EGFLAM: variants seen among roughly 807,000 people sequenced by gnomAD.
EGFLAM encodes the protein EGF like, fibronectin type III and laminin G domains, also known as pikachurin.
A neutral mutation model predicts 113.1 loss-of-function variants in EGFLAM; 79 were observed. That is an observed-to-expected ratio of 0.70 (90% CI 0.58 to 0.84). The LOEUF is 0.84. Among genes scored for constraint, EGFLAM ranks in the 40% least tolerant of loss-of-function variants. EGFLAM has a pLI of 0.00. For synonymous variants in EGFLAM, 504 were observed against 487.6 expected (o/e 1.03, Z -0.44); for missense variants, 1,265 against 1,291.6 (o/e 0.98, Z 0.32).
At chr5:38,325,526 G>C (rs950266059) in intron 1 of EGFLAM, among the ~76,000 whole-genome samples, 3 of 152,228 alleles carry the variant, frequency 2.0e-5, no homozygotes, top group Non-Finnish European at 4.4e-5. Flanking sequence ...TAGGCCAGGA[G>C]TGAGGCAAAG....
intron 6 of EGFLAM, among the ~76,000 whole-genome samples, chr5:38,383,739 G>A (rs1261837798): frequency 6.6e-6 from 1 of 152,058 alleles, no homozygotes; most frequent in Non-Finnish European, 1.5e-5. Flanking sequence ...AGGGCTAAGA[G>A]GGTGTAGAGG....
At chr5:38,271,129 T>C (rs1295254742) in intron 1 of EGFLAM, among the ~76,000 whole-genome samples, 1 of 147,614 alleles carries the variant, frequency 6.8e-6, no homozygotes, top group Admixed American at 6.8e-5. Flanking sequence ...CACCCAACCT[T>C]TGTTTTGGAC....
intron 1 of EGFLAM, among the ~76,000 whole-genome samples, chr5:38,308,905 T>C (rs1758795247): frequency 6.6e-6 from 1 of 152,150 alleles, no homozygotes; most frequent in African/African-American, 2.4e-5. Context: ...TGTACAACAA[T>C]ATGTGGGCTC....
At chr5:38,457,340 G>C (rs1326162775) in intron 19 of EGFLAM, among the ~76,000 whole-genome samples, 4 of 152,178 alleles carry the variant, frequency 2.6e-5, no homozygotes, top group African/African-American at 9.7e-5. Context: ...AGTTCTGAAG[G>C]CTAGAAATCC....
intron 1 of EGFLAM, among the ~76,000 whole-genome samples, chr5:38,314,254 C>G (rs190390329): frequency 1.3e-3 from 198 of 152,284 alleles, no homozygotes; most frequent in Non-Finnish European, 2.1e-3. Flanking sequence ...CATCCATTCC[C>G]CATTTATCCA....
intron 6 of EGFLAM, 122 bp downstream of exon 6, chr5:38,370,584 T>C: frequency 7.9e-7 from 1 of 1,263,674 alleles, no homozygotes. Context: ...ACCCCAGGCT[T>C]TCCTCCTGTG....
Position 38,435,232 on chromosome 5 carries a change from T to G in EGFLAM, c.2262T>G (p.Pro754=). 1 of 1,614,072 alleles carries G rather than the reference T, an allele frequency of 6.2e-7. No homozygotes were observed. Among genetic ancestry groups the G allele is most frequent in the South Asian group, 1.1e-5 (1 of 91,070 alleles). ...DVKKNSGVLK[P]FSGSIQKIIL... is the part of the protein sequence containing the mutation. ...AGAAGAACTCGGGTGTCCTGAAGCC[T>G]TTCAGCGGGAGCATCCAGAAGGTAC... Residue 754 remains proline (P), a synonymous_variant, in exon 16 of 22, where the codon CCT becomes CCG. Transcript: ENST00000322350.
intron 5 of EGFLAM, among the ~76,000 whole-genome samples, chr5:38,368,480 T>C (rs909330826): frequency 2.0e-5 from 3 of 152,188 alleles, no homozygotes; most frequent in African/African-American, 7.2e-5. Context: ...CAATCATTCC[T>C]GCTAATGAAA....
chr5:38,438,277 C>T lies in EGFLAM; in HGVS notation c.2286C>T (p.Ile762=). ...TCTTTATGTTTTTCTCTCTCAAGAT[C>T]ATCCTGAATGACCGAACCATCCATG... The part of the protein sequence containing the change: ...LKPFSGSIQK[I]ILNDRTIHVK... The change falls in exon 17 of 22, where the codon ATC becomes ATT. Residue 762 remains isoleucine (I), a splice_region_variant and synonymous_variant. Coordinates refer to ENST00000322350, the MANE Select transcript of EGFLAM (RefSeq NM_152403.4). 1 of 1,611,586 alleles carries T rather than the reference C, an allele frequency of 6.2e-7. No homozygotes were observed. The highest frequency in any genetic ancestry group is 2.2e-5 in the East Asian group (1 of 44,810).
At chr5:38,307,228 G>C (rs1212458874) in intron 1 of EGFLAM, among the ~76,000 whole-genome samples, 1 of 152,146 alleles carries the variant, frequency 6.6e-6, no homozygotes, top group Admixed American at 6.5e-5. Flanking sequence ...ATTTTTATTT[G>C]TCTATCTGTT....
intron 6 of EGFLAM, chr5:38,403,862 T>C (rs759688672): frequency 1.9e-6 from 3 of 1,613,964 alleles, no homozygotes; most frequent in South Asian, 2.2e-5. Context: ...ATACGCTGCA[T>C]GCAGGTGGCT....
chr5:38,415,194 C>T (rs1290187663), intron 11 of EGFLAM, among the ~76,000 whole-genome samples: 2 of 150,998 alleles, frequency 1.3e-5, no homozygotes, highest in Non-Finnish European at 2.9e-5. Flanking sequence ...AACCTTGTCT[C>T]TACTAAAAAT....
intron 4 of EGFLAM, among the ~76,000 whole-genome samples, chr5:38,351,147 C>T (rs1220371201): frequency 6.8e-6 from 1 of 147,060 alleles, no homozygotes; most frequent in African/African-American, 2.5e-5. Context: ...CTCACTCTGT[C>T]ACCCAGGCTG....
chr5:38,266,163 A>T (rs565869108), intron 1 of EGFLAM, among the ~76,000 whole-genome samples: 29 of 151,638 alleles, frequency 1.9e-4, no homozygotes, highest in Non-Finnish European at 3.5e-4. Context: ...TACCTCCCTC[A>T]CCCCCAATCC....
intron 5 of EGFLAM, among the ~76,000 whole-genome samples, chr5:38,362,154 C>T (rs959321421): frequency 1.3e-5 from 2 of 152,136 alleles, no homozygotes; most frequent in Admixed American, 6.6e-5. Context: ...ACTTCAATCC[C>T]AACTGAAAGT....
chr5:38,415,778 G>T (rs1741620924), intron 11 of EGFLAM, among the ~76,000 whole-genome samples: 1 of 152,180 alleles, frequency 6.6e-6, no homozygotes, highest in Non-Finnish European at 1.5e-5. Flanking sequence ...CTGCATGGCT[G>T]GGAAGGCCTC....
rs1267164106 is a variant in EGFLAM, at chr5:38,325,025, C to T, written c.98-12495C>T. Among the ~76,000 whole-genome samples, 3 of 152,154 alleles carry T rather than the reference C, an allele frequency of 2.0e-5. No homozygotes were observed. In the East Asian group the frequency reaches 5.8e-4, roughly 29 times the overall value. ...GAGGCCCAGTGTCACCTGGGTCCAC[C>T]TGGCAGTTGGGTACATAGGCCTGCT... On this transcript the variant is annotated intron_variant, in intron 1 of 21. Coordinates refer to ENST00000322350, the MANE Select transcript of EGFLAM (RefSeq NM_152403.4).
intron 17 of EGFLAM, among the ~76,000 whole-genome samples, chr5:38,446,720 G>C (rs1477388230): frequency 1.3e-5 from 2 of 152,108 alleles, no homozygotes; most frequent in African/African-American, 4.8e-5. Context: ...TTTCTGTTTC[G>C]TCCTTTGCTT....
intron 19 of EGFLAM, among the ~76,000 whole-genome samples, chr5:38,454,353 C>G (rs762689769): frequency 3.4e-5 from 5 of 147,532 alleles, no homozygotes. Context: ...CATGCCTGAT[C>G]CCCCACGTGG....
Sources: allele counts gnomAD v4.1 joint callset (sites outside exome capture counted in the v4.1 genomes callset), GRCh38; gene constraint gnomAD v4.1.1; transcripts MANE v1.5; gene names NCBI Gene and HGNC (gene_info 2026-07-23, HGNC 2026-07-21).